PDE12: variants seen among roughly 807,000 people sequenced by gnomAD.
PDE12 encodes the protein phosphodiesterase 12.
PDE12 carries 26 observed loss-of-function variants against 45.4 expected under a neutral mutation model. The ratio of observed to expected loss-of-function variants is 0.57; its 90% CI spans 0.42 to 0.79. The LOEUF (loss-of-function observed/expected upper bound fraction) is 0.79. Among genes scored for constraint, PDE12 ranks in the 30% least tolerant of loss-of-function variants. PDE12 has a pLI of 0.00. For missense variants in PDE12, 668 were observed against 790.0 expected (o/e 0.85, Z 1.85); for synonymous variants, 283 against 323.9 (o/e 0.87, Z 1.36).
the PDE12 span, among the ~76,000 whole-genome samples, chr3:57,646,043 T>A: frequency 6.6e-6 from 1 of 152,274 alleles, no homozygotes; most frequent in South Asian, 2.1e-4. Context: ...CAAGTAATAT[T>A]TATCAAGGAA....
chr3:57,577,183 G>A, the PDE12 span: 1 of 742,406 alleles, frequency 1.3e-6, no homozygotes, highest in South Asian at 1.8e-5. Flanking sequence ...GGATAATATA[G>A]TTTCTTAAGT....
chr3:57,570,220 T>TTTTTTG (rs1553729004), downstream of PDE12, among the ~76,000 whole-genome samples: 2 of 9,876 alleles, frequency 2.0e-4, no homozygotes, highest in African/African-American at 1.3e-3. Flanking sequence ...TAATCCAGTG[T>TTTTTTG]TTTTTTTTTT....
Position 57,556,710 on chromosome 3 carries a change from C to T in PDE12, c.331C>T (p.Pro111Ser). Reference sequence around the variant, plus strand: ...TAGCGGCGGTGCGGCCTGTTCAGGGCCGGGGCCTGAGCCGGCTGTGTTCTG... The same window carrying T: ...TAGCGGCGGTGCGGCCTGTTCAGGGTCGGGGCCTGAGCCGGCTGTGTTCTG... ...NASGGAACSG[P>S]GPEPAVFCEP... is the part of the protein sequence containing the mutation. The change falls in exon 1 of 3, where the codon CCG becomes TCG. Residue 111 changes from proline to serine, a missense_variant. Physicochemically the swap from Pro to Ser is moderately conservative, Grantham distance 74. This residue lies in a region of PDE12 where 580 missense variants were observed against 662.9 expected (regional missense o/e 0.87). Transcript: ENST00000311180. The surrounding 1 kb of genome is among the most constrained non-coding windows in gnomAD (Gnocchi z 5.0). The T allele has an allele frequency of 6.3e-7, 1 of 1,596,174 alleles. No homozygotes were observed. The highest frequency in any genetic ancestry group is 8.6e-7 in the Non-Finnish European group (1 of 1,168,470).
the PDE12 span, among the ~76,000 whole-genome samples, chr3:57,618,734 G>C: frequency 2.1e-5 from 3 of 145,960 alleles, no homozygotes; most frequent in Non-Finnish European, 3.0e-5. Context: ...TCAGCCTCCT[G>C]AGTAGCTGGG....
Position 57,559,613 on chromosome 3 carries a change from A to G in PDE12, c.1439A>G (p.His480Arg), listed in dbSNP as rs1434981979. The G allele has an allele frequency of 4.3e-6, 7 of 1,613,348 alleles. No individual in the cohort carries two copies. The highest frequency in any genetic ancestry group is 5.1e-6 in the Non-Finnish European group (6 of 1,179,408). ...QMAVALAHIR[H>R]VSCDLYPGIP... Reference sequence around the variant, plus strand: ...GCAGTAGCCTTGGCTCACATAAGACATGTTTCATGTGATCTGTATCCTGGC... The same window carrying G: ...GCAGTAGCCTTGGCTCACATAAGACGTGTTTCATGTGATCTGTATCCTGGC... The change falls in exon 3 of 3, where the codon CAT becomes CGT. Residue 480 changes from histidine to arginine, a missense_variant. Around this residue, in one of 3 missense-constraint regions of PDE12, gnomAD observed 580 missense variants for 662.9 expected, o/e 0.87. Coordinates refer to ENST00000311180, the MANE Select transcript of PDE12 (RefSeq NM_177966.7).
the PDE12 span, chr3:57,627,596 A>G: frequency 1.3e-5 from 2 of 152,350 alleles, no homozygotes. Flanking sequence ...AAAACCCATC[A>G]TGTCTATTAA....
In PDE12 at chr3:57,563,113, AAAAT is replaced by A. The variant is rs1404409281; in HGVS notation, c.*3113_*3116del. 1 of 152,194 alleles carries A rather than the reference AAAAT, an allele frequency of 6.6e-6. No homozygotes were observed. The highest frequency in any genetic ancestry group is 1.5e-5 in the Non-Finnish European group (1 of 68,032). 9.4% of individuals were successfully genotyped at this position (152,194 alleles called of 1,614,324 possible). ...TAAATCCAATATTTATATATAATGA[AAAAT>A]AAAAGTTTGCATTATTAGTTTATCA... On this transcript the variant is annotated 3_prime_UTR_variant, in exon 3 of 3. Coordinates refer to ENST00000311180, the MANE Select transcript of PDE12 (RefSeq NM_177966.7).
At chr3:57,616,485 A>G in the PDE12 span, among the ~76,000 whole-genome samples, 37 of 137,674 alleles carry the variant, frequency 2.7e-4, no homozygotes, top group South Asian at 3.0e-3. Flanking sequence ...AAGAAGAAAG[A>G]AGGAGGAAGA....
the PDE12 span, among the ~76,000 whole-genome samples, chr3:57,636,234 A>G: frequency 2.0e-5 from 3 of 152,214 alleles, 1 homozygote; most frequent in Admixed American, 2.0e-4. Flanking sequence ...TCAGTTTTGC[A>G]GAGAAGCTGC....
chr3:57,618,352 T>C, the PDE12 span, among the ~76,000 whole-genome samples: 15 of 152,170 alleles, frequency 9.9e-5, no homozygotes. Context: ...TATTTACAAA[T>C]TTAAAAGGCT....
the PDE12 span, chr3:57,641,520 C>T: frequency 5.3e-6 from 3 of 567,244 alleles, no homozygotes; most frequent in Non-Finnish European, 8.4e-6. Context: ...GGGAAATTAG[C>T]AGGAAATTAT....
chr3:57,652,657 T>C, the PDE12 span, among the ~76,000 whole-genome samples: 27,280 of 152,190 alleles, frequency 0.18, 2,867 homozygotes, highest in East Asian at 0.48. Context: ...ACAATTAACT[T>C]ATCAGTGGAG....
At chr3:57,641,867 C>A in the PDE12 span, 2 of 678,280 alleles carry the variant, frequency 2.9e-6, no homozygotes, top group Non-Finnish European at 4.7e-6. Flanking sequence ...TTCCTTTATT[C>A]AACACATTAC....
chr3:57,632,218 G>A, the PDE12 span, among the ~76,000 whole-genome samples: 1 of 149,424 alleles, frequency 6.7e-6, no homozygotes, highest in Non-Finnish European at 1.5e-5. Context: ...ACGAGACGGG[G>A]TTTCACCGTG....
the PDE12 span, among the ~76,000 whole-genome samples, chr3:57,598,644 G>C: frequency 5.2e-4 from 79 of 152,280 alleles, no homozygotes; most frequent in Middle Eastern, 0.031. Context: ...AACCGGGCGT[G>C]GTGGCGGGTG....
Position 57,561,799 on chromosome 3 carries a change from G to T in PDE12, c.*1795G>T. On this transcript the variant is annotated 3_prime_UTR_variant, in exon 3 of 3. Transcript: ENST00000311180. ...TTTCATATTCTGCTCACTATCAAAT[G>T]TATTGTTAACACTTAGTAAGTTTGA... is the stretch of plus-strand genomic sequence containing the variant. 2 of 984,236 alleles carry T rather than the reference G, an allele frequency of 2.0e-6. No individual in the cohort carries two copies. Among genetic ancestry groups the T allele is most frequent in the Non-Finnish European group, 2.4e-6 (2 of 828,938 alleles). The allele number at this position is 984,236 out of a possible 1,614,324, so 61.0% of individuals were successfully genotyped here. A position where few individuals can be genotyped will look rare whatever the true frequency, so the allele number is the denominator to read the frequency against.
chr3:57,597,655 C>G, the PDE12 span: 2 of 154,576 alleles, frequency 1.3e-5, no homozygotes, highest in Non-Finnish European at 2.9e-5. Flanking sequence ...TCGTCACTGC[C>G]AAATCAGACT....
the PDE12 span, chr3:57,634,592 T>C: frequency 6.8e-7 from 1 of 1,461,560 alleles, no homozygotes; most frequent in Non-Finnish European, 9.2e-7. Context: ...TTCATCTCTA[T>C]TTAAATATGG....
At chr3:57,607,258 A>G in the PDE12 span, among the ~76,000 whole-genome samples, 1 of 152,150 alleles carries the variant, frequency 6.6e-6, no homozygotes, top group Non-Finnish European at 1.5e-5. Context: ...CCATCATCAA[A>G]GACCAAAGGT....
Sources: gnomAD v4.1 joint callset for allele counts (sites outside exome capture counted in the v4.1 genomes callset) on GRCh38, gnomAD v4.1.1 for gene constraint, gnomAD v4.1.1 regional missense constraint, Gnocchi (gnomAD v3.1) non-coding constraint, MANE v1.5 for transcripts, NCBI Gene and HGNC (gene_info 2026-07-23, HGNC 2026-07-21) for gene names.